Variants in PNLIPRP3 observed in about 807,000 individuals in gnomAD.
The protein encoded by PNLIPRP3 is pancreatic lipase-related protein 3.
In PNLIPRP3, 58 loss-of-function variants were observed where a neutral mutation model predicts 52.8. The observed-to-expected ratio is 1.10, with a 90% confidence interval of 0.89 to 1.37. PNLIPRP3 has a LOEUF of 1.37. PNLIPRP3 is among the 40% of genes most tolerant of loss of function. PNLIPRP3 has a pLI of 0.00. For synonymous variants in PNLIPRP3, 192 were observed against 185.0 expected, an observed-to-expected ratio of 1.04 and a Z score of -0.31; for missense variants, 593 against 561.6, an observed-to-expected ratio of 1.06 and a Z score of -0.57.
rs199976917 is a variant in PNLIPRP3, at chr10:116,440,075, CT to C, written c.205-2972del. ...ACTGTATTGTTCGCTAGTAGATCAA[CT>C]TTTTTTTAAGTGAAGAGAATCTATG... is the stretch of plus-strand genomic sequence containing the variant. On this transcript the variant is annotated intron_variant, in intron 2 of 11. Coordinates refer to ENST00000369230, the MANE Select transcript of PNLIPRP3 (RefSeq NM_001011709.3). 735 of 698,266 alleles carry C rather than the reference CT, an allele frequency of 1.1e-3. 5 individuals carry two copies. In the African/African-American group the frequency reaches 0.011, roughly 10 times the overall value. The allele number at this position is 698,266 out of a possible 1,614,324, so 43.3% of individuals were successfully genotyped here. A position where few individuals can be genotyped will look rare whatever the true frequency, so the allele number is the denominator to read the frequency against.
intron 4 of PNLIPRP3, among the ~76,000 whole-genome samples, chr10:116,447,040 G>A (rs995318669): frequency 1.3e-5 from 2 of 152,158 alleles, no homozygotes; most frequent in African/African-American, 4.8e-5. Context: ...TGTCATTCAA[G>A]CAGTCACTAT....
At chr10:116,446,147 C>G (rs573890968) in intron 4 of PNLIPRP3, among the ~76,000 whole-genome samples, 18 of 152,062 alleles carry the variant, frequency 1.2e-4, no homozygotes, top group African/African-American at 4.3e-4. Context: ...GAGATCGAGA[C>G]CATCCTGGCG....
chr10:116,428,809 C>G (rs867230811), intron 1 of PNLIPRP3, among the ~76,000 whole-genome samples: 2 of 151,996 alleles, frequency 1.3e-5, no homozygotes, highest in South Asian at 4.2e-4. Flanking sequence ...AGAGATCAAC[C>G]CCTTTGTTGT....
chr10:116,456,781 C>G (rs891808577), intron 5 of PNLIPRP3, among the ~76,000 whole-genome samples: 1 of 152,182 alleles, frequency 6.6e-6, no homozygotes, highest in East Asian at 1.9e-4. Flanking sequence ...TGCATCCCCC[C>G]ACCAACAGCC....
At chr10:116,439,391 A>C (rs1759582763) in intron 2 of PNLIPRP3, 1 of 533,528 alleles carries the variant, frequency 1.9e-6, no homozygotes, top group Non-Finnish European at 3.4e-6. Flanking sequence ...TTCTCAGATA[A>C]GAAATGTGTC....
chr10:116,441,769 C>T (rs556970400), intron 2 of PNLIPRP3, among the ~76,000 whole-genome samples: 1 of 152,250 alleles, frequency 6.6e-6, no homozygotes, highest in African/African-American at 2.4e-5. Flanking sequence ...TACTTTTTGG[C>T]AAGTTACTTG....
chr10:116,433,150 T>C (rs1204237110), intron 1 of PNLIPRP3, among the ~76,000 whole-genome samples: 2 of 35,184 alleles, frequency 5.7e-5, no homozygotes, highest in Non-Finnish European at 2.3e-4. Context: ...AAAAAAAGTC[T>C]TGGAGTGAGG....
Position 116,477,259 on chromosome 10 carries a change from A to G in PNLIPRP3, c.*106A>G. 1.2e-6 allele frequency: 1 copy of G among 862,138 alleles called. No individual in the cohort carries two copies. Among genetic ancestry groups the G allele is most frequent in the East Asian group, 2.6e-5 (1 of 39,054 alleles). The allele number at this position is 862,138 out of a possible 1,614,324, so 53.4% of individuals were successfully genotyped here. On this transcript the variant is annotated 3_prime_UTR_variant, in exon 12 of 12. Transcript: ENST00000369230. ...TTTGACCCTTGTAAATGACTTAGTC[A>G]TTTACAAGGGTCTTACTCAGAGTCA...
intron 5 of PNLIPRP3, among the ~76,000 whole-genome samples, chr10:116,458,039 T>C (rs995064787): frequency 6.6e-6 from 1 of 152,144 alleles, no homozygotes; most frequent in African/African-American, 2.4e-5. Flanking sequence ...ATTAACCACT[T>C]AAAAACAAAA....
chr10:116,447,318 G>C (rs574629539), intron 4 of PNLIPRP3, among the ~76,000 whole-genome samples: 1 of 152,268 alleles, frequency 6.6e-6, no homozygotes, highest in Non-Finnish European at 1.5e-5. Context: ...CTGTTGGCTA[G>C]GCTGATTGGT....
intron 2 of PNLIPRP3, among the ~76,000 whole-genome samples, 156 bp downstream of exon 2, chr10:116,437,021 GTTATCTGTTCTATA>G (rs1459692749): frequency 4.6e-5 from 7 of 152,042 alleles, no homozygotes; most frequent in Admixed American, 4.6e-4. Context: ...TTTTTTCTAT[GTTATCTGTTCTATA>G]TTATCTGTTC....
intron 7 of PNLIPRP3, among the ~76,000 whole-genome samples, chr10:116,465,321 C>T (rs888918387): frequency 1.2e-4 from 18 of 152,010 alleles, no homozygotes; most frequent in Admixed American, 1.2e-3. Flanking sequence ...GGGTGGATCA[C>T]GAGGTCAGAT....
chr10:116,447,973 A>T (rs1845977361), intron 4 of PNLIPRP3, among the ~76,000 whole-genome samples: 1 of 122,410 alleles, frequency 8.2e-6, no homozygotes, highest in East Asian at 2.3e-4. Flanking sequence ...AAAAAAAAAA[A>T]TGAAAGAGGA....
chr10:116,476,052 C>A (rs1440100674), intron 10 of PNLIPRP3, among the ~76,000 whole-genome samples: 1 of 152,066 alleles, frequency 6.6e-6, no homozygotes, highest in Non-Finnish European at 1.5e-5. Context: ...GGGGAAAAAA[C>A]AAGTCATTGG....
intron 1 of PNLIPRP3, among the ~76,000 whole-genome samples, chr10:116,434,368 T>C (rs1352312563): frequency 6.6e-6 from 1 of 152,196 alleles, no homozygotes; most frequent in Admixed American, 6.5e-5. Context: ...CTGCATAATA[T>C]TCCTCAATAC....
rs184360108 is a variant in PNLIPRP3 at position 116,440,358 on chromosome 10, C to T, written c.205-2697C>T. The stretch of plus-strand genomic sequence containing the variant: ...GAAGAGAAAATTGGAAAACTAAGTA[C>T]TTCCCTAAATAATGTTCTTCACACC... On this transcript the variant is annotated intron_variant, in intron 2 of 11. Coordinates refer to ENST00000369230, the MANE Select transcript of PNLIPRP3 (RefSeq NM_001011709.3). Among the ~76,000 whole-genome samples the T allele has an allele frequency of 4.2e-3, 647 of 152,250 alleles. 7 individuals are homozygous for T. The highest frequency in any genetic ancestry group is 0.015 in the African/African-American group (609 of 41,548).
intron 5 of PNLIPRP3, among the ~76,000 whole-genome samples, chr10:116,456,424 T>A (rs1439145489): frequency 1.3e-5 from 2 of 152,170 alleles, no homozygotes; most frequent in East Asian, 3.9e-4. Context: ...TGTATACATG[T>A]CTCAAAATAC....
chr10:116,430,829 C>A (rs1845700384), intron 1 of PNLIPRP3, among the ~76,000 whole-genome samples: 1 of 152,170 alleles, frequency 6.6e-6, no homozygotes, highest in Non-Finnish European at 1.5e-5. Context: ...TGCCTTCAAT[C>A]TTCTGGTACC....
intron 2 of PNLIPRP3, among the ~76,000 whole-genome samples, chr10:116,441,042 C>T (rs1423537838): frequency 6.6e-6 from 1 of 152,168 alleles, no homozygotes; most frequent in African/African-American, 2.4e-5. Context: ...ACAATATTGA[C>T]ATCATTTCCT....
Sources: gnomAD v4.1 joint callset for allele counts (sites outside exome capture counted in the v4.1 genomes callset) on GRCh38, gnomAD v4.1.1 for gene constraint, MANE v1.5 for transcripts, NCBI Gene and HGNC (gene_info 2026-07-23, HGNC 2026-07-21) for gene names.